The following UBE2D2 variants were observed in gnomAD, a reference collection of about 807,000 sequenced individuals.
The protein encoded by UBE2D2 is ubiquitin-conjugating enzyme E2 D2.
In UBE2D2, 2 loss-of-function variants were observed where a neutral mutation model predicts 24.2. That is an observed-to-expected ratio of 0.08 (90% confidence interval 0.03 to 0.26). UBE2D2 has a LOEUF of 0.26. Among genes scored for constraint, UBE2D2 ranks in the 10% least tolerant of loss-of-function variants. The pLI, the probability that UBE2D2 is intolerant of heterozygous loss-of-function variation, is 1.00. For missense variants in UBE2D2, 44 were observed against 177.6 expected (o/e 0.25, Z 4.28); for synonymous variants, 58 against 56.5 (o/e 1.03, Z -0.12).
intron 1 of UBE2D2, among the ~76,000 whole-genome samples, chr5:139,546,817 T>TCTTTCTTTCTTTCTTCCTTCCTTCCTTC (rs1203962652): frequency 1.5e-4 from 21 of 138,404 alleles, no homozygotes; most frequent in Non-Finnish European, 2.6e-4. Context: ...CTTCTTTCTT[T>TCTTTCTTTCTTTCTTCCTTCCTTCCTTC]CTTCCTTCCT....
At chr5:139,563,737 C>T (rs1753159076) in intron 1 of UBE2D2, among the ~76,000 whole-genome samples, 1 of 152,050 alleles carries the variant, frequency 6.6e-6, no homozygotes. Context: ...TCGAGGCCAT[C>T]CTGGCTAACA....
At chr5:139,606,024 CG>C (rs1754192507) in intron 2 of UBE2D2, among the ~76,000 whole-genome samples, 2 of 152,076 alleles carry the variant, frequency 1.3e-5, no homozygotes. Flanking sequence ...ATTGCAGCTG[CG>C]AGCTACCGCA....
At chr5:139,596,486 G>T (rs1466504067) in intron 1 of UBE2D2, among the ~76,000 whole-genome samples, 1 of 151,550 alleles carries the variant, frequency 6.6e-6, no homozygotes, top group Non-Finnish European at 1.5e-5. Context: ...TAGAGATGGG[G>T]TTTCACCATG....
chr5:139,604,243 C>G lies in UBE2D2; in HGVS notation c.88+3808C>G, dbSNP rs1159408635. ...ATAACCTTCGCCTCGTGGGTTCAAG[C>G]AGTTCTCCTGCCTCAGCCTCCCGAG... On this transcript the variant is annotated intron_variant, in intron 2 of 6. Transcript: ENST00000398733. Among the ~76,000 whole-genome samples, 6 of 150,830 alleles carry G rather than the reference C, an allele frequency of 4.0e-5. No individual in the cohort carries two copies. In the Admixed American group the frequency reaches 4.0e-4, roughly 10 times the overall value.
intron 1 of UBE2D2, among the ~76,000 whole-genome samples, chr5:139,584,757 G>A (rs947381340): frequency 2.7e-5 from 4 of 150,662 alleles, no homozygotes; most frequent in East Asian, 4.0e-4. Flanking sequence ...GGTCTCGAAC[G>A]CCTGACCTCA....
upstream of UBE2D2, among the ~76,000 whole-genome samples, chr5:139,557,898 T>G (rs1753003459): frequency 6.6e-6 from 1 of 151,978 alleles, no homozygotes; most frequent in South Asian, 2.1e-4. Flanking sequence ...TCAAGAAGAG[T>G]CATATGATTT....
chr5:139,551,256 C>T (rs940673399), intron 1 of UBE2D2, among the ~76,000 whole-genome samples: 1 of 152,066 alleles, frequency 6.6e-6, no homozygotes, highest in African/African-American at 2.4e-5. Context: ...TAAGGCAGGT[C>T]TTGAATTGCT....
intron 1 of UBE2D2, among the ~76,000 whole-genome samples, chr5:139,542,509 T>C (rs1752773464): frequency 1.3e-5 from 2 of 152,034 alleles, no homozygotes; most frequent in African/African-American, 2.4e-5. Flanking sequence ...TTAGTGGAGA[T>C]GGGGTTTTGC....
chr5:139,567,529 GTTT>G (rs33998713), intron 1 of UBE2D2, among the ~76,000 whole-genome samples: 2 of 100,128 alleles, frequency 2.0e-5, no homozygotes, highest in African/African-American at 4.3e-5. Context: ...AATTTGCTAA[GTTT>G]TTTTTTTTTT....
At chr5:139,540,397 T>C (rs1468049628) in intron 1 of UBE2D2, among the ~76,000 whole-genome samples, 1 of 151,938 alleles carries the variant, frequency 6.6e-6, no homozygotes, top group African/African-American at 2.4e-5. Flanking sequence ...TAAAAAAAAG[T>C]TAGCTGGGTG....
At chr5:139,609,376 CTT>C (rs371370988) in intron 2 of UBE2D2, among the ~76,000 whole-genome samples, 2 of 146,302 alleles carry the variant, frequency 1.4e-5, no homozygotes, top group Admixed American at 6.8e-5. Context: ...GACCCCATCT[CTT>C]TTTTTTTTTG....
Position 139,543,085 on chromosome 5 carries a change from C to T in UBE2D2, c.-64+16473C>T, listed in dbSNP as rs534469147. On this transcript the variant is annotated intron_variant, in intron 1 of 6. Coordinates refer to the UBE2D2 transcript ENST00000511725. ...CTAATTTTTGTATTTTTAGTAGAGACGAGGTTTCACCATGTTGGTCAGGCT... is the reference window on the plus strand; with the variant it reads ...CTAATTTTTGTATTTTTAGTAGAGATGAGGTTTCACCATGTTGGTCAGGCT... Among the ~76,000 whole-genome samples the T allele has an allele frequency of 2.6e-5, 4 of 152,048 alleles. No homozygotes were observed. In the East Asian group the frequency reaches 5.8e-4, roughly 22 times the overall value.
chr5:139,569,306 T>A (rs919922862), intron 1 of UBE2D2, among the ~76,000 whole-genome samples: 3 of 152,202 alleles, frequency 2.0e-5, no homozygotes, highest in Non-Finnish European at 4.4e-5. Context: ...GTTATTTAAA[T>A]ATAATTCAAA....
chr5:139,532,990 C>T (rs936062610), intron 1 of UBE2D2, among the ~76,000 whole-genome samples: 1 of 151,706 alleles, frequency 6.6e-6, no homozygotes, highest in African/African-American at 2.4e-5. Context: ...TGCCTGTTAT[C>T]CCAGCTACTC....
At chr5:139,587,638 A>C (rs1020033969) in intron 1 of UBE2D2, among the ~76,000 whole-genome samples, 5 of 141,968 alleles carry the variant, frequency 3.5e-5, no homozygotes, top group Admixed American at 7.9e-5. Context: ...GCGCCACTGC[A>C]CTCCAGCCTG....
At chr5:139,529,962 C>A (rs1051188297) in intron 1 of UBE2D2, among the ~76,000 whole-genome samples, 11 of 152,148 alleles carry the variant, frequency 7.2e-5, no homozygotes, top group Admixed American at 7.2e-4. Flanking sequence ...CCTACAGACC[C>A]AGTTCCTGAT....
intron 2 of UBE2D2, among the ~76,000 whole-genome samples, chr5:139,609,367 A>AC (rs1754264573): frequency 6.8e-6 from 1 of 147,380 alleles, no homozygotes; most frequent in African/African-American, 2.5e-5. Context: ...ACATAGTGAG[A>AC]CCCCATCTCT....
At chr5:139,561,320 GCCCACCCCGTGCTCCGACGGC>G (rs1168526739) in exon 1 of UBE2D2, 2 of 154,592 alleles carry the variant, frequency 1.3e-5, no homozygotes, top group Non-Finnish European at 2.9e-5. Flanking sequence ...CCTCGGTCGG[GCCCACCCCGTGCTCCGACGGC>G]CCCACCCCGG....
At chr5:139,567,735 T>G (rs903138384) in intron 1 of UBE2D2, among the ~76,000 whole-genome samples, 22 of 151,428 alleles carry the variant, frequency 1.5e-4, no homozygotes, top group African/African-American at 5.3e-4. Context: ...GGTTTCACCA[T>G]GTTGGCCAAG....
Sources: gnomAD v4.1 joint callset for allele counts (sites outside exome capture counted in the v4.1 genomes callset) on GRCh38, gnomAD v4.1.1 for gene constraint, MANE v1.5 for transcripts, NCBI Gene and HGNC (gene_info 2026-07-23, HGNC 2026-07-21) for gene names.